The following NXN variants were observed in gnomAD, a reference collection of about 807,000 sequenced individuals.
NXN encodes the protein nucleoredoxin 1.
NXN carries 16 observed loss-of-function variants against 48.6 expected under a neutral mutation model. The observed-to-expected ratio is 0.33, with a 90% confidence interval of 0.22 to 0.50. The LOEUF is 0.50. Ranked by LOEUF, NXN falls within the 20% of genes least tolerant of loss-of-function variation. The pLI is 0.98. For synonymous variants in NXN, 281 were observed against 269.6 expected (o/e 1.04, Z -0.41); for missense variants, 492 against 605.5 (o/e 0.81, Z 1.97).
intron 5 of NXN, among the ~76,000 whole-genome samples, chr17:811,107 A>T (rs1449091640): frequency 6.6e-6 from 1 of 152,212 alleles, no homozygotes; most frequent in Non-Finnish European, 1.5e-5. Context: ...GGAAGAAAGA[A>T]GGAGGCGGAG....
intron 5 of NXN, among the ~76,000 whole-genome samples, chr17:818,777 G>C (rs60425349): frequency 0.026 from 3,867 of 151,640 alleles, 146 homozygotes; most frequent in African/African-American, 0.085. Context: ...CCCAGCTACT[G>C]GGGAGGCTGA....
At chr17:870,269 G>A (rs2068137220) in intron 1 of NXN, among the ~76,000 whole-genome samples, 2 of 152,210 alleles carry the variant, frequency 1.3e-5, no homozygotes, top group African/African-American at 4.8e-5. Flanking sequence ...GTGGATTAGA[G>A]AAGCAAAGGG....
chr17:851,240 G>A (rs1351372797), intron 1 of NXN, among the ~76,000 whole-genome samples: 2 of 152,250 alleles, frequency 1.3e-5, no homozygotes, highest in Non-Finnish European at 2.9e-5. Flanking sequence ...CAGCAAGCCT[G>A]AGCTCCGCTT....
At chr17:817,762 T>C (rs2144627255) in intron 5 of NXN, among the ~76,000 whole-genome samples, 1 of 152,042 alleles carries the variant, frequency 6.6e-6, no homozygotes, top group Middle Eastern at 3.4e-3. Flanking sequence ...TCACTCTCTG[T>C]AACCCTAGGA....
At position 972,276 on chromosome 17, in the gene NXN, T is replaced by C. The variant is rs554521195; in HGVS notation, c.360+7043A>G. On this transcript the variant is annotated intron_variant, in intron 1 of 7. Coordinates refer to ENST00000336868, the MANE Select transcript of NXN (RefSeq NM_022463.5). ...GAGATGGTGTCATTGCACTCCAGCCTGGGCAACAAGAACAAAACTCCATCT... is the reference window on the plus strand; with the variant it reads ...GAGATGGTGTCATTGCACTCCAGCCCGGGCAACAAGAACAAAACTCCATCT... 1.6e-4 allele frequency among the ~76,000 whole-genome samples: 25 copies of C among 151,614 alleles called. No individual in the cohort carries two copies. In the South Asian group the frequency reaches 5.0e-3, roughly 30 times the overall value.
intron 1 of NXN, among the ~76,000 whole-genome samples, chr17:953,190 G>A (rs967641199): frequency 2.6e-5 from 4 of 152,066 alleles, no homozygotes; most frequent in Admixed American, 6.6e-5. Context: ...CGAGGCGGGC[G>A]GATCACCTGA....
chr17:828,526 C>T (rs1206009047), intron 1 of NXN, among the ~76,000 whole-genome samples: 1 of 151,468 alleles, frequency 6.6e-6, no homozygotes, highest in Non-Finnish European at 1.5e-5. Flanking sequence ...CTCAGCCTCC[C>T]GAGTAGCTGG....
At chr17:878,912 C>A (rs1196578216) in intron 1 of NXN, among the ~76,000 whole-genome samples, 1 of 152,144 alleles carries the variant, frequency 6.6e-6, no homozygotes, top group Non-Finnish European at 1.5e-5. Flanking sequence ...CGCCTGTAAT[C>A]CCAGCACTTT....
intron 1 of NXN, among the ~76,000 whole-genome samples, chr17:846,549 C>T (rs2067864160): frequency 6.6e-6 from 1 of 152,034 alleles, no homozygotes; most frequent in Admixed American, 6.5e-5. Flanking sequence ...CATGAGAGCA[C>T]ACCTGAACAA....
At chr17:962,409 T>A (rs951446971) in intron 1 of NXN, among the ~76,000 whole-genome samples, 5 of 152,226 alleles carry the variant, frequency 3.3e-5, no homozygotes, top group South Asian at 4.1e-4. Flanking sequence ...GACTCACGCC[T>A]GTAATCCCAA....
intron 1 of NXN, among the ~76,000 whole-genome samples, chr17:918,303 G>A (rs945267756): frequency 1.3e-5 from 2 of 152,154 alleles, no homozygotes; most frequent in Admixed American, 6.6e-5. Context: ...CCTTTGTAAC[G>A]TTCGGTTTGG....
chr17:886,815 C>A (rs1184561013), intron 1 of NXN, among the ~76,000 whole-genome samples: 4 of 151,868 alleles, frequency 2.6e-5, no homozygotes, highest in Non-Finnish European at 5.9e-5. Context: ...CCTCTTACTA[C>A]ACTGGATGGT....
chr17:843,038 AAGAAAGAAAGAAAG>A (rs1388795367), intron 1 of NXN, among the ~76,000 whole-genome samples: 29 of 143,150 alleles, frequency 2.0e-4, no homozygotes, highest in African/African-American at 8.4e-4. Flanking sequence ...GAAAGAAAGA[AAGAAAGAAAGAAAG>A]AAAGAAGGAA....
chr17:882,592 T>A (rs985529556), intron 1 of NXN, among the ~76,000 whole-genome samples: 6 of 150,086 alleles, frequency 4.0e-5, no homozygotes, highest in African/African-American at 1.2e-4. Context: ...CAGCCTCCCA[T>A]GTAACTGGGA....
intron 1 of NXN, among the ~76,000 whole-genome samples, chr17:972,169 A>G (rs180829831): frequency 9.7e-4 from 147 of 151,742 alleles, no homozygotes; most frequent in Middle Eastern, 3.4e-3. Context: ...GCGTGGTGGC[A>G]CATGCGCCTA....
intron 1 of NXN, among the ~76,000 whole-genome samples, chr17:916,725 G>A (rs1274313117): frequency 6.6e-6 from 1 of 152,066 alleles, no homozygotes; most frequent in East Asian, 1.9e-4. Flanking sequence ...GATCACCTGA[G>A]GTCTCCACTA....
chr17:820,485 G>A (rs1403215689), intron 4 of NXN, among the ~76,000 whole-genome samples: 5 of 149,982 alleles, frequency 3.3e-5, no homozygotes, highest in Admixed American at 6.7e-5. Context: ...GGTGGTGGGC[G>A]CCTGTAGTCC....
chr17:825,703 G>A lies in NXN; in HGVS notation c.478+258C>T. 2.6e-6 allele frequency: 1 copy of A among 386,266 alleles called. No homozygotes were observed. The highest frequency in any genetic ancestry group is 4.6e-6 in the Non-Finnish European group (1 of 216,200). 23.9% of individuals were successfully genotyped at this position (386,266 alleles called of 1,614,324 possible). A position where few individuals can be genotyped will look rare whatever the true frequency, so the allele number is the denominator to read the frequency against. ...CAGCCTCTGCGGCCCTCCAAGCGGAGCTTCTTACGGCAGAGTCCATCTCTT... is the reference window on the plus strand; with the variant it reads ...CAGCCTCTGCGGCCCTCCAAGCGGAACTTCTTACGGCAGAGTCCATCTCTT... On this transcript the variant is annotated intron_variant, in intron 2 of 7. Coordinates refer to ENST00000336868, the MANE Select transcript of NXN (RefSeq NM_022463.5). This position sits in a 1 kb window ranked among gnomAD's most constrained non-coding sequence, Gnocchi z 4.1.
At chr17:884,991 G>A (rs939809810) in intron 1 of NXN, among the ~76,000 whole-genome samples, 1 of 152,202 alleles carries the variant, frequency 6.6e-6, no homozygotes, top group East Asian at 1.9e-4. Context: ...CTGGCCTGGG[G>A]CATCCTATGG....
Sources: gnomAD v4.1 joint callset for allele counts (sites outside exome capture counted in the v4.1 genomes callset) on GRCh38, gnomAD v4.1.1 for gene constraint, Gnocchi (gnomAD v3.1) non-coding constraint, MANE v1.5 for transcripts, NCBI Gene and HGNC (gene_info 2026-07-23, HGNC 2026-07-21) for gene names.